KCND2: variants seen among roughly 807,000 people sequenced by gnomAD.
KCND2 encodes the protein A-type voltage-gated potassium channel KCND2.
Under a neutral mutation model 54.4 loss-of-function variants are expected in KCND2, and 16 were observed. That is an observed-to-expected ratio of 0.29 (90% CI 0.20 to 0.45). The LOEUF (loss-of-function observed/expected upper bound fraction) is 0.45, where lower values mean the gene tolerates loss of function less well. Among genes scored for constraint, KCND2 ranks in the 20% least tolerant of loss-of-function variants. KCND2 has a pLI of 1.00. For synonymous variants in KCND2, 317 were observed against 310.7 expected (o/e 1.02, Z -0.21); for missense variants, 486 against 824.2 (o/e 0.59, Z 5.02).
rs1310502391 is a variant in KCND2 at position 120,289,049 on chromosome 7, C to CACACAA, written c.1115+13307_1115+13308insAACACA. On this transcript the variant is annotated intron_variant, in intron 1 of 5. Coordinates refer to ENST00000331113, the MANE Select transcript of KCND2 (RefSeq NM_012281.3). ...GGGCAGAGACACAAACACACACACA[C>CACACAA]ACACACACACACACACACACACACA... is the stretch of plus-strand genomic sequence containing the variant. Among the ~76,000 whole-genome samples the CACACAA allele has an allele frequency of 5.4e-3, 106 of 19,738 alleles. No homozygotes were observed. The East Asian group carries it at 0.23, about 43-fold the overall frequency. 12.9% of individuals were successfully genotyped at this position (19,738 alleles called of 152,430 possible).
At position 120,747,887 on chromosome 7, in the gene KCND2, C is replaced by T. The variant is rs766125841; in HGVS notation, c.*29C>T. ...AATTGGAATAAGGTCTAAGAGAATT[C>T]GAGCCCTGGCTGTGAAAAGAATCTC... is the stretch of plus-strand genomic sequence containing the variant. On this transcript the variant is annotated 3_prime_UTR_variant, in exon 6 of 6. Coordinates refer to ENST00000331113, the MANE Select transcript of KCND2 (RefSeq NM_012281.3). The T allele has an allele frequency of 2.8e-5, 43 of 1,528,620 alleles. No individual in the cohort carries two copies. The highest frequency in any genetic ancestry group is 3.5e-5 in the Non-Finnish European group (39 of 1,105,956). The allele number at this position is 1,528,620 out of a possible 1,614,324, so 94.7% of individuals were successfully genotyped here. A position where few individuals can be genotyped will look rare whatever the true frequency, so the allele number is the denominator to read the frequency against.
At chr7:120,404,013 A>G (rs983169789) in intron 1 of KCND2, among the ~76,000 whole-genome samples, 5 of 152,148 alleles carry the variant, frequency 3.3e-5, no homozygotes, top group African/African-American at 1.2e-4. Context: ...CATTAAAACT[A>G]TGCTTGGAAA....
At chr7:120,408,929 G>C (rs190108432) in intron 1 of KCND2, among the ~76,000 whole-genome samples, 1 of 151,912 alleles carries the variant, frequency 6.6e-6, no homozygotes, top group African/African-American at 2.4e-5. Context: ...ACCTTAAGGA[G>C]AAAAAGGTAT....
chr7:120,298,279 T>C (rs1471867120), intron 1 of KCND2, among the ~76,000 whole-genome samples: 2 of 152,166 alleles, frequency 1.3e-5, no homozygotes, highest in Non-Finnish European at 2.9e-5. Flanking sequence ...AATTTTATGG[T>C]AAACAGTCAC....
At chr7:120,402,911 G>C (rs1584764147) in intron 1 of KCND2, among the ~76,000 whole-genome samples, 1 of 152,136 alleles carries the variant, frequency 6.6e-6, no homozygotes, top group African/African-American at 2.4e-5. Context: ...TGACAGAATA[G>C]ATATTCAATC....
At chr7:120,636,983 G>A (rs573645788) in intron 1 of KCND2, among the ~76,000 whole-genome samples, 2 of 152,216 alleles carry the variant, frequency 1.3e-5, no homozygotes, top group East Asian at 3.9e-4. Flanking sequence ...GCTCCATTAT[G>A]TAGACAAACT....
At chr7:120,554,920 C>T (rs1792145520) in intron 1 of KCND2, among the ~76,000 whole-genome samples, 1 of 152,178 alleles carries the variant, frequency 6.6e-6, no homozygotes, top group African/African-American at 2.4e-5. Flanking sequence ...AATCCCCTTT[C>T]TTCACTCCCA....
chr7:120,740,747 A>G (rs1433916796), intron 2 of KCND2: 1 of 430,014 alleles, frequency 2.3e-6, no homozygotes, highest in Non-Finnish European at 4.7e-6. Flanking sequence ...CACACACAAA[A>G]TGCTTTAAAA....
rs376029594 is a variant in KCND2 at position 120,741,555 on chromosome 7, C to T, written c.1300C>T (p.Arg434Trp). 1 of 1,612,892 alleles carries T rather than the reference C, an allele frequency of 6.2e-7. No individual in the cohort carries two copies. The highest frequency in any genetic ancestry group is 8.5e-7 in the Non-Finnish European group (1 of 1,179,162). The change falls in exon 3 of 6, where the codon CGG becomes TGG. Residue 434 changes from arginine (R) to tryptophan (W), a missense_variant. Transcript: ENST00000331113. ...AQKKARLARIRAAKSGSANAY... is the reference protein window; with the variant it reads ...AQKKARLARIWAAKSGSANAY... ...ATAGAAAGCTAGACTGGCCAGGATC[C>T]GGGCAGCCAAAAGCGGAAGCGCAAA...
intron 1 of KCND2, among the ~76,000 whole-genome samples, chr7:120,468,174 A>T (rs923735268): frequency 1.6e-4 from 24 of 152,120 alleles, no homozygotes; most frequent in African/African-American, 5.5e-4. Flanking sequence ...CATATAGTAT[A>T]GAAAACAATG....
intron 1 of KCND2, among the ~76,000 whole-genome samples, chr7:120,426,007 G>A (rs867659106): frequency 1.9e-4 from 29 of 151,478 alleles, no homozygotes; most frequent in Non-Finnish European, 3.2e-4. Flanking sequence ...TACAAAAATA[G>A]CACCTGTTAA....
rs1562993298 is a variant in KCND2 at position 120,274,645 on chromosome 7, GTGGCAGCGTGGCT to G, written c.14_26del (p.Val5GlyfsTer37). On this transcript the variant is annotated frameshift_variant, in exon 1 of 6. Coordinates refer to ENST00000331113, the MANE Select transcript of KCND2 (RefSeq NM_012281.3). LOFTEE classifies it high-confidence loss of function. ...GCTTCAAGTAATCATGGCGGCGGGGGTGGCAGCGTGGCTGCCTTTTGCAAGGGCAGCGGCTATC... is the reference window on the plus strand; with the variant it reads ...GCTTCAAGTAATCATGGCGGCGGGGGGCCTTTTGCAAGGGCAGCGGCTATC... 1 of 1,614,068 alleles carries G rather than the reference GTGGCAGCGTGGCT, an allele frequency of 6.2e-7. No homozygotes were observed. Among genetic ancestry groups the G allele is most frequent in the Non-Finnish European group, 8.5e-7 (1 of 1,180,042 alleles).
chr7:120,332,940 C>T (rs1303433231), intron 1 of KCND2, among the ~76,000 whole-genome samples: 1 of 152,048 alleles, frequency 6.6e-6, no homozygotes, highest in Non-Finnish European at 1.5e-5. Context: ...ACTTATTTAA[C>T]CCATTCAAAA....
intron 1 of KCND2, among the ~76,000 whole-genome samples, chr7:120,490,408 A>C (rs1430091088): frequency 6.6e-6 from 1 of 152,166 alleles, no homozygotes; most frequent in African/African-American, 2.4e-5. Flanking sequence ...TTATTATATA[A>C]TTCGTTGATA....
intron 1 of KCND2, among the ~76,000 whole-genome samples, chr7:120,398,029 ATATATATATT>A (rs1563033160): frequency 1.4e-5 from 1 of 71,740 alleles, no homozygotes; most frequent in Admixed American, 1.6e-4. Flanking sequence ...ATATATATAT[ATATATATATT>A]TGCTCTTTTT....
chr7:120,726,214 T>G (rs1002773577), intron 1 of KCND2, among the ~76,000 whole-genome samples: 5 of 152,184 alleles, frequency 3.3e-5, no homozygotes, highest in African/African-American at 1.2e-4. Flanking sequence ...AGGCAACTTT[T>G]TAGGCAAATA....
rs1172515346 is a variant in KCND2 at position 120,494,421 on chromosome 7, A to G, written c.1115+218674A>G. Among the ~76,000 whole-genome samples, 15 of 152,168 alleles carry G rather than the reference A, an allele frequency of 9.9e-5. No homozygotes were observed. The East Asian group carries it at 2.9e-3, about 29-fold the overall frequency. ...AAAATAGCAATCTTTAGATCACATT[A>G]CAGAAGGGTTGCAGTTCTACTGAAG... On this transcript the variant is annotated intron_variant, in intron 1 of 5. Transcript: ENST00000331113.
intron 1 of KCND2, among the ~76,000 whole-genome samples, chr7:120,498,505 T>C (rs1487015303): frequency 2.7e-5 from 4 of 150,518 alleles, no homozygotes; most frequent in African/African-American, 7.4e-5. Context: ...CTGGGCGTGG[T>C]GGCTCACGCT....
chr7:120,327,171 C>T (rs1254729417), intron 1 of KCND2, among the ~76,000 whole-genome samples: 1 of 151,976 alleles, frequency 6.6e-6, no homozygotes, highest in Non-Finnish European at 1.5e-5. Context: ...TCTTTTCTGG[C>T]AATTTACATT....
Sources: allele counts gnomAD v4.1 joint callset (sites outside exome capture counted in the v4.1 genomes callset), GRCh38; gene constraint gnomAD v4.1.1; transcripts MANE v1.5; gene names NCBI Gene and HGNC (gene_info 2026-07-23, HGNC 2026-07-21).